MTHFD2L: variants seen among roughly 807,000 people sequenced by gnomAD.
The protein encoded by MTHFD2L is bifunctional methylenetetrahydrofolate dehydrogenase/cyclohydrolase 2, mitochondrial.
MTHFD2L carries 29 observed loss-of-function variants against 34.9 expected under a neutral mutation model. That is an observed-to-expected ratio of 0.83 (90% confidence interval 0.62 to 1.13). The LOEUF is 1.13. MTHFD2L is among the 50% of genes most tolerant of loss of function. The probability of loss-of-function intolerance (pLI) is 0.00; values close to 1 mark genes in which losing one functional copy is unlikely to be tolerated. For synonymous variants in MTHFD2L, 167 were observed against 155.7 expected (o/e 1.07, Z -0.54); for missense variants, 481 against 446.5 (o/e 1.08, Z -0.70).
intron 3 of MTHFD2L, chr4:74,190,424 AG>A: frequency 2.1e-6 from 2 of 954,624 alleles, no homozygotes; most frequent in Non-Finnish European, 2.5e-6. Flanking sequence ...CTATGAAGTA[AG>A]CCTGCCTGAG....
At chr4:74,120,917 C>T (rs548109819), upstream of MTHFD2L, among the ~76,000 whole-genome samples, 8 of 152,190 alleles carry the variant, frequency 5.3e-5, no homozygotes, top group East Asian at 1.9e-4. Flanking sequence ...GTGACATATT[C>T]AACCTGTTCA....
chr4:74,266,249 A>G (rs1745274097), intron 6 of MTHFD2L, among the ~76,000 whole-genome samples: 1 of 152,142 alleles, frequency 6.6e-6, no homozygotes, highest in African/African-American at 2.4e-5. Context: ...AGTTTTCACT[A>G]TTATGTTTCT....
upstream of MTHFD2L, chr4:74,157,740 C>A (rs79204847): frequency 4.4e-3 from 2,081 of 469,384 alleles, 29 homozygotes; most frequent in African/African-American, 0.033. Flanking sequence ...CACGTAGTCA[C>A]GGAGACTGTT....
chr4:74,125,807 G>T (rs1291129451), intron 1 of MTHFD2L, among the ~76,000 whole-genome samples: 2 of 151,948 alleles, frequency 1.3e-5, no homozygotes, highest in East Asian at 3.9e-4. Flanking sequence ...TTAATTTATG[G>T]TTTTAAAAAT....
At chr4:74,276,099 A>G (rs1746611813) in intron 6 of MTHFD2L, among the ~76,000 whole-genome samples, 1 of 152,138 alleles carries the variant, frequency 6.6e-6, no homozygotes, top group Non-Finnish European at 1.5e-5. Context: ...TTGGATGATT[A>G]TAATATGAAA....
At chr4:74,246,469 G>C (rs571496906) in intron 6 of MTHFD2L, among the ~76,000 whole-genome samples, 1 of 152,126 alleles carries the variant, frequency 6.6e-6, no homozygotes, top group African/African-American at 2.4e-5. Flanking sequence ...CTGTGCAGAA[G>C]CTCTTTAGTT....
At chr4:74,219,811 C>A (rs1737841107) in intron 5 of MTHFD2L, among the ~76,000 whole-genome samples, 1 of 152,098 alleles carries the variant, frequency 6.6e-6, no homozygotes, top group African/African-American at 2.4e-5. Flanking sequence ...TCTGATCAAT[C>A]AAGTTCAAAT....
intron 7 of MTHFD2L, among the ~76,000 whole-genome samples, chr4:74,286,416 TAGAA>T (rs1308493617): frequency 6.6e-6 from 1 of 152,216 alleles, no homozygotes; most frequent in Non-Finnish European, 1.5e-5. Context: ...TATTGTAGCT[TAGAA>T]AGAAACTTCA....
At chr4:74,182,165 T>A (rs1730308713) in intron 3 of MTHFD2L, among the ~76,000 whole-genome samples, 1 of 152,174 alleles carries the variant, frequency 6.6e-6, no homozygotes, top group African/African-American at 2.4e-5. Context: ...TGTGTTTGAG[T>A]GTATAGAATA....
At chr4:74,205,564 G>T (rs975766549) in intron 5 of MTHFD2L, among the ~76,000 whole-genome samples, 1 of 152,160 alleles carries the variant, frequency 6.6e-6, no homozygotes, top group Non-Finnish European at 1.5e-5. Flanking sequence ...TTAAGGACAT[G>T]GATCCTAGCT....
At chr4:74,207,829 G>A (rs1186611958) in intron 5 of MTHFD2L, among the ~76,000 whole-genome samples, 1 of 141,552 alleles carries the variant, frequency 7.1e-6, no homozygotes, top group African/African-American at 2.7e-5. Context: ...TAATAACACA[G>A]TAGTGGATGC....
intron 3 of MTHFD2L, among the ~76,000 whole-genome samples, chr4:74,185,764 T>C (rs1178533853): frequency 1.3e-5 from 2 of 152,224 alleles, no homozygotes; most frequent in Non-Finnish European, 2.9e-5. Context: ...CAATTGACTT[T>C]GTAGTTCAAA....
chr4:74,241,556 AT>A, intron 6 of MTHFD2L: 3 of 447,556 alleles, frequency 6.7e-6, no homozygotes, highest in Admixed American at 4.9e-5. Context: ...TAATTTTTGT[AT>A]TTTTTGTAGA....
chr4:74,175,374 G>C lies in MTHFD2L; in HGVS notation c.422G>C (p.Ser141Thr). ...CAATTGAATATGGACCCAAGAGTCA[G>C]CGGTATATTAGTTCAGTTACCACTA... ...TDQLNMDPRV[S>T]GILVQLPLPD... The change falls in exon 3 of 8, where the codon AGC becomes ACC. Residue 141 changes from serine to threonine, a missense_variant. Physicochemically the swap from Ser to Thr is moderately conservative, Grantham distance 58. Coordinates refer to ENST00000325278, the MANE Select transcript of MTHFD2L (RefSeq NM_001144978.3). 6.2e-7 allele frequency: 1 copy of C among 1,612,380 alleles called. No homozygotes were observed. The highest frequency in any genetic ancestry group is 8.5e-7 in the Non-Finnish European group (1 of 1,179,076).
chr4:74,296,292 T>C (rs1437203554), intron 7 of MTHFD2L, among the ~76,000 whole-genome samples: 2 of 152,132 alleles, frequency 1.3e-5, no homozygotes, highest in Non-Finnish European at 2.9e-5. Context: ...ATCAAATCTG[T>C]GTTTTAAAGA....
intron 2 of MTHFD2L, among the ~76,000 whole-genome samples, chr4:74,118,238 T>C (rs1721689320): frequency 1.3e-5 from 2 of 152,218 alleles, no homozygotes; most frequent in Non-Finnish European, 1.5e-5. Context: ...TTTTCTTGTC[T>C]AGTGAGCACA....
intron 7 of MTHFD2L, among the ~76,000 whole-genome samples, chr4:74,284,686 A>G (rs1223066850): frequency 3.9e-5 from 6 of 152,124 alleles, no homozygotes; most frequent in Non-Finnish European, 7.4e-5. Flanking sequence ...TCTAAAAATC[A>G]GGAAACAACA....
intron 6 of MTHFD2L, among the ~76,000 whole-genome samples, chr4:74,238,007 A>G (rs1327821791): frequency 1.3e-5 from 2 of 152,228 alleles, no homozygotes; most frequent in Non-Finnish European, 2.9e-5. Flanking sequence ...GTTGCAGACA[A>G]TGTGTTGACT....
chr4:74,297,278 G>T (rs1749745393), intron 7 of MTHFD2L, among the ~76,000 whole-genome samples: 1 of 152,020 alleles, frequency 6.6e-6, no homozygotes, highest in Non-Finnish European at 1.5e-5. Flanking sequence ...CGGACAATAA[G>T]ATTTGGTGAT....
Sources: gnomAD v4.1 joint callset for allele counts (sites outside exome capture counted in the v4.1 genomes callset) on GRCh38, gnomAD v4.1.1 for gene constraint, MANE v1.5 for transcripts, NCBI Gene and HGNC (gene_info 2026-07-23, HGNC 2026-07-21) for gene names.